Variants in MCPH1 observed in about 807,000 individuals in gnomAD.
MCPH1 encodes microcephalin 1.
A neutral mutation model predicts 84.5 loss-of-function variants in MCPH1; 104 were observed. The ratio of observed to expected loss-of-function variants is 1.23; its 90% CI spans 1.05 to 1.45. The LOEUF (loss-of-function observed/expected upper bound fraction) is 1.45. Among genes scored for constraint, MCPH1 ranks in the 40% most tolerant of loss-of-function variants. MCPH1 has a pLI of 0.00. For synonymous variants in MCPH1, 514 were observed against 366.8 expected (o/e 1.40, Z -4.58); for missense variants, 1,498 against 1,005.7 (o/e 1.49, Z -6.62).
At chr8:6,598,050 C>CG (rs975664887) in intron 12 of MCPH1, among the ~76,000 whole-genome samples, 1 of 152,192 alleles carries the variant, frequency 6.6e-6, no homozygotes, top group African/African-American at 2.4e-5. Context: ...ATCAGCTCAG[C>CG]GGGCCTTCAC....
At chr8:6,511,922 T>C (rs1385052651) in intron 12 of MCPH1, among the ~76,000 whole-genome samples, 1 of 151,684 alleles carries the variant, frequency 6.6e-6, no homozygotes, top group Non-Finnish European at 1.5e-5. Flanking sequence ...TTTTAATTCT[T>C]CTGTTGTAGA....
intron 12 of MCPH1, among the ~76,000 whole-genome samples, chr8:6,575,605 T>C (rs1249225262): frequency 1.3e-5 from 2 of 152,232 alleles, no homozygotes; most frequent in Non-Finnish European, 2.9e-5. Flanking sequence ...ATGAGTTGAA[T>C]TTTGTTCTCC....
intron 12 of MCPH1, among the ~76,000 whole-genome samples, chr8:6,566,818 G>A (rs1187086021): frequency 7.1e-6 from 1 of 140,392 alleles, no homozygotes; most frequent in East Asian, 2.2e-4. Context: ...GATCCGCAAG[G>A]CCATGGATAG....
chr8:6,522,878 C>A (rs1328437363), intron 12 of MCPH1, among the ~76,000 whole-genome samples: 1 of 152,176 alleles, frequency 6.6e-6, no homozygotes, highest in Admixed American at 6.5e-5. Flanking sequence ...AACTTTCTGA[C>A]TCTGAAATCT....
chr8:6,593,528 A>C (rs1828684012), intron 12 of MCPH1, among the ~76,000 whole-genome samples: 1 of 150,932 alleles, frequency 6.6e-6, no homozygotes, highest in Non-Finnish European at 1.5e-5. Flanking sequence ...CTAATTTTGT[A>C]TTTTTAATAA....
intron 8 of MCPH1, chr8:6,446,637 T>C (rs1804418472): frequency 6.1e-6 from 6 of 980,974 alleles, no homozygotes; most frequent in Non-Finnish European, 7.3e-6. Context: ...CAAAAGTTAA[T>C]ATAAAACAAT....
chr8:6,464,745 C>G (rs894517004), intron 9 of MCPH1, among the ~76,000 whole-genome samples: 2 of 152,238 alleles, frequency 1.3e-5, no homozygotes, highest in African/African-American at 4.8e-5. Flanking sequence ...CGCCTATAAT[C>G]CCAGCACTTT....
At chr8:6,623,608 A>G (rs568333315) in intron 13 of MCPH1, among the ~76,000 whole-genome samples, 27 of 145,068 alleles carry the variant, frequency 1.9e-4, no homozygotes, top group African/African-American at 6.4e-4. Flanking sequence ...ATCCTTTCAT[A>G]TATTTTAGAA....
At chr8:6,541,032 CCGAGGAGG>C (rs1235525697) in intron 12 of MCPH1, among the ~76,000 whole-genome samples, 20 of 59,822 alleles carry the variant, frequency 3.3e-4, no homozygotes, top group African/African-American at 7.9e-4. Flanking sequence ...TGCGAGAGTG[CCGAGGAGG>C]CTCTCATGGG....
intron 12 of MCPH1, among the ~76,000 whole-genome samples, chr8:6,504,671 A>G (rs1328693236): frequency 6.6e-6 from 1 of 152,216 alleles, no homozygotes; most frequent in Non-Finnish European, 1.5e-5. Context: ...AAGGAGAGAA[A>G]AAAATCGTAC....
At chr8:6,586,949 C>T (rs1427126931) in intron 12 of MCPH1, among the ~76,000 whole-genome samples, 2 of 152,248 alleles carry the variant, frequency 1.3e-5, no homozygotes, top group African/African-American at 4.8e-5. Flanking sequence ...TAACAGAGTG[C>T]AGGCTGTGGG....
chr8:6,560,770 A>T (rs754513272), intron 12 of MCPH1, among the ~76,000 whole-genome samples: 2 of 152,248 alleles, frequency 1.3e-5, no homozygotes, highest in African/African-American at 4.8e-5. Flanking sequence ...TTTAAATGTT[A>T]TCTCAAAGAC....
chr8:6,643,165 A>T lies in MCPH1; in HGVS notation c.*116A>T. On this transcript the variant is annotated 3_prime_UTR_variant, in exon 14 of 14. Coordinates refer to ENST00000344683, the MANE Select transcript of MCPH1 (RefSeq NM_024596.5). ...ACTGGCGTATACAAGATGACTTCTGATATCATGTTTGCCATGTGTTGTGGT... is the reference window on the plus strand; with the variant it reads ...ACTGGCGTATACAAGATGACTTCTGTTATCATGTTTGCCATGTGTTGTGGT... 1 of 880,150 alleles carries T rather than the reference A, an allele frequency of 1.1e-6. No homozygotes were observed. The highest frequency in any genetic ancestry group is 1.9e-6 in the Non-Finnish European group (1 of 536,728). 54.5% of individuals were successfully genotyped at this position (880,150 alleles called of 1,614,324 possible). A position where few individuals can be genotyped will look rare whatever the true frequency, so the allele number is the denominator to read the frequency against.
intron 4 of MCPH1, among the ~76,000 whole-genome samples, chr8:6,435,298 C>T (rs569437774): frequency 2.7e-4 from 41 of 152,236 alleles, no homozygotes; most frequent in Middle Eastern, 6.8e-3. Context: ...TGCTGCCAAC[C>T]CACATAGAGT....
intron 12 of MCPH1, chr8:6,508,604 CA>C: frequency 2.2e-6 from 1 of 464,136 alleles, no homozygotes. Flanking sequence ...TTACATAAAG[CA>C]AAATGTAATT....
At chr8:6,638,536 G>A (rs561790160) in intron 13 of MCPH1, among the ~76,000 whole-genome samples, 34 of 150,798 alleles carry the variant, frequency 2.3e-4, no homozygotes, top group African/African-American at 6.3e-4. Flanking sequence ...TAGCTTGTGC[G>A]TAAATGCCTG....
intron 10 of MCPH1, among the ~76,000 whole-genome samples, 175 bp downstream of exon 10, chr8:6,477,806 G>C (rs143792214): frequency 6.6e-6 from 1 of 152,214 alleles, no homozygotes; most frequent in Non-Finnish European, 1.5e-5. Context: ...AAATGTGAGC[G>C]ACTTAGCCTT....
At chr8:6,611,944 A>G (rs1230827523) in intron 12 of MCPH1, among the ~76,000 whole-genome samples, 8 of 152,148 alleles carry the variant, frequency 5.3e-5, no homozygotes, top group African/African-American at 1.9e-4. Context: ...AAGGAGCTTC[A>G]TTACATAGGC....
intron 9 of MCPH1, among the ~76,000 whole-genome samples, chr8:6,475,284 G>T (rs2129559085): frequency 6.6e-6 from 1 of 152,352 alleles, no homozygotes; most frequent in South Asian, 2.1e-4. Context: ...TTACTTGGGT[G>T]CCCTTCACGG....
Sources: gnomAD v4.1 joint callset for allele counts (sites outside exome capture counted in the v4.1 genomes callset) on GRCh38, gnomAD v4.1.1 for gene constraint, MANE v1.5 for transcripts, NCBI Gene and HGNC (gene_info 2026-07-23, HGNC 2026-07-21) for gene names.